Variants in TSPAN5 observed in about 807,000 individuals in gnomAD.
TSPAN5 encodes the protein tetraspanin 5, also known as tetraspanin-5.
Under a neutral mutation model 37.1 loss-of-function variants are expected in TSPAN5, and 10 were observed. The observed-to-expected ratio is 0.27, with a 90% CI of 0.17 to 0.46. The LOEUF (loss-of-function observed/expected upper bound fraction) is 0.46, where lower values mean the gene tolerates loss of function less well. TSPAN5 is among the 20% of genes least tolerant of loss of function. The pLI is 1.00. For synonymous variants in TSPAN5, 110 were observed against 118.9 expected (o/e 0.93, Z 0.48); for missense variants, 195 against 326.6 (o/e 0.60, Z 3.11).
chr4:98,543,243 T>A (rs1228766381), intron 1 of TSPAN5, among the ~76,000 whole-genome samples: 1 of 152,184 alleles, frequency 6.6e-6, no homozygotes, highest in Non-Finnish European at 1.5e-5. Context: ...GGCAACAGCG[T>A]TTCAACTCTG....
At chr4:98,484,445 A>C in intron 3 of TSPAN5, 1 of 456,124 alleles carries the variant, frequency 2.2e-6, no homozygotes, top group South Asian at 1.5e-5. Flanking sequence ...GTTTGTCCTA[A>C]ATGGAGAGAG....
chr4:98,658,358 C>T lies in TSPAN5; in HGVS notation c.-132G>A, dbSNP rs1302231741. On this transcript the variant is annotated 5_prime_UTR_variant, in exon 1 of 8. Coordinates refer to ENST00000305798, the MANE Select transcript of TSPAN5 (RefSeq NM_005723.4). Reference sequence around the variant, plus strand: ...GGGGCCGCGGCGCTGGCGGCCTGGGCTCAGCCGCGCGGGGACCGACCGGCG... The same window carrying T: ...GGGGCCGCGGCGCTGGCGGCCTGGGTTCAGCCGCGCGGGGACCGACCGGCG... 7 of 698,920 alleles carry T rather than the reference C, an allele frequency of 1.0e-5. No homozygotes were observed. Among genetic ancestry groups the T allele is most frequent in the Non-Finnish European group, 1.4e-5 (6 of 419,940 alleles). 43.3% of individuals were successfully genotyped at this position (698,920 alleles called of 1,614,324 possible). A position where few individuals can be genotyped will look rare whatever the true frequency, so the allele number is the denominator to read the frequency against.
At chr4:98,484,198 G>A in intron 3 of TSPAN5, 1 of 316,662 alleles carries the variant, frequency 3.2e-6, no homozygotes, top group Non-Finnish European at 6.1e-6. Context: ...CCCAAGCCCT[G>A]TTGAGCTAAT....
chr4:98,587,284 G>A (rs1034570080), intron 1 of TSPAN5, among the ~76,000 whole-genome samples: 2 of 152,192 alleles, frequency 1.3e-5, no homozygotes, highest in Non-Finnish European at 2.9e-5. Context: ...GCTTCCACAC[G>A]CAGGCTGAGG....
chr4:98,530,728 T>TACACACAC (rs1229552892), intron 1 of TSPAN5, among the ~76,000 whole-genome samples: 4 of 71,314 alleles, frequency 5.6e-5, no homozygotes, highest in African/African-American at 2.9e-4. Flanking sequence ...ACACACATAT[T>TACACACAC]ATACACACAC....
At chr4:98,510,873 T>G (rs944483418) in intron 1 of TSPAN5, among the ~76,000 whole-genome samples, 5 of 152,194 alleles carry the variant, frequency 3.3e-5, no homozygotes, top group African/African-American at 9.7e-5. Flanking sequence ...CCAATTATTC[T>G]CAGACCATAT....
intron 1 of TSPAN5, among the ~76,000 whole-genome samples, chr4:98,608,399 A>G (rs1010267985): frequency 1.3e-5 from 2 of 152,134 alleles, no homozygotes; most frequent in African/African-American, 4.8e-5. Flanking sequence ...CCTTCTTGCT[A>G]CAGAAATGGC....
At chr4:98,645,823 A>T (rs1757055371) in intron 1 of TSPAN5, among the ~76,000 whole-genome samples, 2 of 152,202 alleles carry the variant, frequency 1.3e-5, no homozygotes, top group Non-Finnish European at 2.9e-5. Flanking sequence ...GGTAAGCTAG[A>T]GATGACTTTA....
At chr4:98,532,526 T>G (rs1449687435) in intron 1 of TSPAN5, among the ~76,000 whole-genome samples, 4 of 152,210 alleles carry the variant, frequency 2.6e-5, no homozygotes, top group Non-Finnish European at 4.4e-5. Context: ...CTTGTGATTT[T>G]TGTACATTGA....
At chr4:98,540,900 G>C (rs925548717) in intron 1 of TSPAN5, among the ~76,000 whole-genome samples, 1 of 152,150 alleles carries the variant, frequency 6.6e-6, no homozygotes, top group Non-Finnish European at 1.5e-5. Context: ...GAGATATTTA[G>C]GGTTAACTTT....
chr4:98,622,644 G>A (rs1471888889), intron 1 of TSPAN5, among the ~76,000 whole-genome samples: 4 of 152,164 alleles, frequency 2.6e-5, no homozygotes, highest in African/African-American at 9.6e-5. Flanking sequence ...GTTTTGAACC[G>A]ATGGGTCTGA....
chr4:98,578,601 G>T (rs1341060286), intron 1 of TSPAN5, among the ~76,000 whole-genome samples: 1 of 152,066 alleles, frequency 6.6e-6, no homozygotes, highest in African/African-American at 2.4e-5. Flanking sequence ...TGTATTTGTA[G>T]TAAAGATGGG....
At chr4:98,487,177 G>A (rs1247840889) in intron 2 of TSPAN5, among the ~76,000 whole-genome samples, 2 of 150,266 alleles carry the variant, frequency 1.3e-5, no homozygotes, top group Non-Finnish European at 1.5e-5. Context: ...AAGGAGGGAG[G>A]GAAACTGCTT....
intron 1 of TSPAN5, among the ~76,000 whole-genome samples, chr4:98,516,624 T>C (rs1468096993): frequency 1.3e-5 from 2 of 152,142 alleles, no homozygotes; most frequent in Admixed American, 6.5e-5. Flanking sequence ...AAAATGAATG[T>C]TGAAATTTGA....
chr4:98,514,010 A>G (rs1753675262), intron 1 of TSPAN5, among the ~76,000 whole-genome samples: 2 of 152,178 alleles, frequency 1.3e-5, no homozygotes, highest in Non-Finnish European at 2.9e-5. Context: ...GGATCCTGTG[A>G]ACAGACTCAA....
Position 98,541,443 on chromosome 4 carries a change from G to A in TSPAN5, c.82-33715C>T, listed in dbSNP as rs141113952. Among the ~76,000 whole-genome samples, 1,396 of 152,050 alleles carry A rather than the reference G, an allele frequency of 9.2e-3. 20 individuals carry two copies. Among genetic ancestry groups the A allele is most frequent in the African/African-American group, 0.032 (1,337 of 41,462 alleles). On this transcript the variant is annotated intron_variant, in intron 1 of 7. Transcript: ENST00000305798. ...TAATTCCAGCACTTTGGGAGGCTGAGGCAGGCAGATCACTTGAGGCCAGGA... is the reference window on the plus strand; with the variant it reads ...TAATTCCAGCACTTTGGGAGGCTGAAGCAGGCAGATCACTTGAGGCCAGGA...
intron 4 of TSPAN5, among the ~76,000 whole-genome samples, chr4:98,480,256 C>T (rs1448549347): frequency 1.3e-5 from 2 of 152,118 alleles, no homozygotes; most frequent in Admixed American, 1.3e-4. Flanking sequence ...ACAAAAATGT[C>T]ACCACAATCA....
At chr4:98,623,379 A>G (rs1756525116) in intron 1 of TSPAN5, among the ~76,000 whole-genome samples, 2 of 152,232 alleles carry the variant, frequency 1.3e-5, no homozygotes, top group Non-Finnish European at 1.5e-5. Flanking sequence ...CAGGAGAATC[A>G]TAATTCCTCC....
chr4:98,574,335 T>C (rs1352330491), intron 1 of TSPAN5: 1 of 152,202 alleles, frequency 6.6e-6, no homozygotes, highest in Non-Finnish European at 1.5e-5. Context: ...AAAGGTTTAT[T>C]TTACCCCCTG....
Sources: gnomAD v4.1 joint callset for allele counts (sites outside exome capture counted in the v4.1 genomes callset) on GRCh38, gnomAD v4.1.1 for gene constraint, MANE v1.5 for transcripts, NCBI Gene and HGNC (gene_info 2026-07-23, HGNC 2026-07-21) for gene names.